HHIPL1: variants seen among roughly 807,000 people sequenced by gnomAD.
HHIPL1 encodes the protein HHIP-like protein 1.
Under a neutral mutation model 61.8 loss-of-function variants are expected in HHIPL1, and 43 were observed. The observed-to-expected ratio is 0.70, with a 90% CI of 0.55 to 0.90. HHIPL1 has a LOEUF of 0.90. HHIPL1 is among the 40% of genes least tolerant of loss of function. The probability of loss-of-function intolerance (pLI) is 0.00; values close to 1 mark genes in which losing one functional copy is unlikely to be tolerated. For missense variants in HHIPL1, 1,056 were observed against 1,157.7 expected (o/e 0.91, Z 1.28); for synonymous variants, 482 against 515.8 (o/e 0.93, Z 0.89).
chr14:99,667,914 G>C (rs1386079552), intron 6 of HHIPL1, among the ~76,000 whole-genome samples: 2 of 152,210 alleles, frequency 1.3e-5, no homozygotes, highest in Non-Finnish European at 2.9e-5. Context: ...CCAGGTAGGT[G>C]ACAGGGGTGG....
At chr14:99,665,623 T>C (rs2056231328) in intron 6 of HHIPL1, among the ~76,000 whole-genome samples, 1 of 152,172 alleles carries the variant, frequency 6.6e-6, no homozygotes, top group East Asian at 1.9e-4. Context: ...TTTGTAGAGA[T>C]GGGGTCTTAC....
the HHIPL1 span, among the ~76,000 whole-genome samples, chr14:99,630,546 G>A: frequency 2.1e-4 from 32 of 152,314 alleles, no homozygotes; most frequent in African/African-American, 6.7e-4. Context: ...CCCAGGAAGC[G>A]GCTAGGAGGA....
In HHIPL1 at chr14:99,675,703, C is replaced by A; in HGVS notation, c.*77C>A. 7.4e-7 allele frequency: 1 copy of A among 1,342,392 alleles called. No homozygotes were observed. The highest frequency in any genetic ancestry group is 9.9e-7 in the Non-Finnish European group (1 of 1,013,660). 83.2% of individuals were successfully genotyped at this position (1,342,392 alleles called of 1,614,324 possible). The stretch of plus-strand genomic sequence containing the variant: ...GCCGCTCCGCCCTGTGTGCGCCCAG[C>A]GGGTGCACACGTGTTCTAGAGTGAA... On this transcript the variant is annotated 3_prime_UTR_variant, in exon 9 of 9. Transcript: ENST00000330710. The surrounding 1 kb of genome is among the most constrained non-coding windows in gnomAD (Gnocchi z 5.4).
At chr14:99,637,034 AGAAAGAAAGAAAGAAGGAAG>A in the HHIPL1 span, among the ~76,000 whole-genome samples, 310 of 123,310 alleles carry the variant, frequency 2.5e-3, 8 homozygotes, top group East Asian at 0.015. Context: ...AAAGAAAGAA[AGAAAGAAAGAAAGAAGGAAG>A]GAAGGAAAAA....
At chr14:99,638,291 G>A in the HHIPL1 span, among the ~76,000 whole-genome samples, 1 of 152,214 alleles carries the variant, frequency 6.6e-6, no homozygotes, top group Admixed American at 6.5e-5. Context: ...GCCCTGCGGA[G>A]AACAGATTCA....
Position 99,662,861 on chromosome 14 carries a change from C to T in HHIPL1, c.1503-15C>T. The T allele has an allele frequency of 1.3e-6, 2 of 1,573,660 alleles. No individual in the cohort carries two copies. The highest frequency in any genetic ancestry group is 2.3e-5 in the East Asian group (1 of 44,014). On this transcript the variant is annotated splice_polypyrimidine_tract_variant and intron_variant, in intron 5 of 8. Coordinates refer to ENST00000330710, the MANE Select transcript of HHIPL1 (RefSeq NM_001127258.3). Reference sequence around the variant, plus strand: ...CCATGCCAGGCATGGCCTCACAGCTCATCTTCCTTTGCAGGCGTCTGATGT... The same window carrying T: ...CCATGCCAGGCATGGCCTCACAGCTTATCTTCCTTTGCAGGCGTCTGATGT...
rs1333816943 is a variant in HHIPL1 at position 99,668,851 on chromosome 14, A to G, written c.1730+548A>G. The G allele has an allele frequency of 1.2e-6, 2 of 1,613,986 alleles. No homozygotes were observed. The highest frequency in any genetic ancestry group is 1.1e-5 in the South Asian group (1 of 91,080). ...TTCTAGCTGTAAGGCCAGAAGCGCCATGCCCGGCTATGTCCCAGCTCCTTC... is the reference window on the plus strand; with the variant it reads ...TTCTAGCTGTAAGGCCAGAAGCGCCGTGCCCGGCTATGTCCCAGCTCCTTC... On this transcript the variant is annotated intron_variant, in intron 7 of 8. Coordinates refer to ENST00000330710, the MANE Select transcript of HHIPL1 (RefSeq NM_001127258.3). This position sits in a 1 kb window ranked among gnomAD's most constrained non-coding sequence, Gnocchi z 4.7.
chr14:99,661,421 A>AAGGAAGGAAGGAAG (rs2056151167), intron 5 of HHIPL1, among the ~76,000 whole-genome samples: 1 of 143,406 alleles, frequency 7.0e-6, no homozygotes. Context: ...GAGAGAGAAA[A>AAGGAAGGAAGGAAG]GAAGGAAGGA....
chr14:99,632,936 G>C, the HHIPL1 span, among the ~76,000 whole-genome samples: 5 of 151,848 alleles, frequency 3.3e-5, no homozygotes, highest in African/African-American at 1.2e-4. Context: ...TATGGATGGG[G>C]GAGTGAGGAG....
At chr14:99,633,827 G>A in the HHIPL1 span, among the ~76,000 whole-genome samples, 59,570 of 152,002 alleles carry the variant, frequency 0.39, 11,814 homozygotes, top group East Asian at 0.47. Context: ...TAGGATTGTC[G>A]CCTGGAATTT....
the HHIPL1 span, among the ~76,000 whole-genome samples, chr14:99,628,638 G>T: frequency 6.6e-6 from 1 of 151,992 alleles, no homozygotes; most frequent in Non-Finnish European, 1.5e-5. Context: ...ACAAAGTTTG[G>T]TAAGCATGTA....
chr14:99,642,808 G>A (rs2055770278), upstream of HHIPL1, among the ~76,000 whole-genome samples: 1 of 152,154 alleles, frequency 6.6e-6, no homozygotes, highest in African/African-American at 2.4e-5. Context: ...ACAGGCATGA[G>A]CCACTGTGCC....
At chr14:99,650,288 G>A (rs977920498) in intron 1 of HHIPL1, among the ~76,000 whole-genome samples, 3 of 152,216 alleles carry the variant, frequency 2.0e-5, no homozygotes, top group African/African-American at 7.2e-5. Flanking sequence ...TCCTCCCTGT[G>A]AGGGGAGGGA....
intron 2 of HHIPL1, among the ~76,000 whole-genome samples, chr14:99,655,948 G>A (rs997823946): frequency 6.6e-6 from 1 of 152,202 alleles, no homozygotes; most frequent in Non-Finnish European, 1.5e-5. Flanking sequence ...ACCACTTCCG[G>A]AGGCAGGGCT....
chr14:99,628,263 C>G, the HHIPL1 span, among the ~76,000 whole-genome samples: 1 of 152,256 alleles, frequency 6.6e-6, no homozygotes, highest in African/African-American at 2.4e-5. Context: ...GCAGTCTCTT[C>G]CTTTCTGTCC....
chr14:99,637,254 AAG>A, the HHIPL1 span, among the ~76,000 whole-genome samples: 1 of 147,744 alleles, frequency 6.8e-6, no homozygotes, highest in Non-Finnish European at 1.5e-5. Flanking sequence ...GAAAGAAAGA[AAG>A]AAAGAAAGAA....
Position 99,660,481 on chromosome 14 carries a change from G to C in HHIPL1, c.1502+75G>C, listed in dbSNP as rs1293418926. 2.0e-6 allele frequency: 3 copies of C among 1,527,030 alleles called. No homozygotes were observed. The highest frequency in any genetic ancestry group is 2.7e-6 in the Non-Finnish European group (3 of 1,121,578). 94.6% of individuals were successfully genotyped at this position (1,527,030 alleles called of 1,614,324 possible). Reference sequence around the variant, plus strand: ...GGGACTGGCTCCTTGGTAAAGGGGAGTGTATGTGTGCGCCCGTTCCTGCAC... The same window carrying C: ...GGGACTGGCTCCTTGGTAAAGGGGACTGTATGTGTGCGCCCGTTCCTGCAC... On this transcript the variant is annotated intron_variant, in intron 5 of 8. Transcript: ENST00000330710. The surrounding 1 kb of genome is among the most constrained non-coding windows in gnomAD (Gnocchi z 4.9).
At position 99,668,598 on chromosome 14, in the gene HHIPL1, G is replaced by A. The variant is rs375707193; in HGVS notation, c.1730+295G>A. ...TTCACTTGGCTTTCTTGCCTGGCCCGCCCTCCCTGCGTCTTCCTCCTGTCT... is the reference window on the plus strand; with the variant it reads ...TTCACTTGGCTTTCTTGCCTGGCCCACCCTCCCTGCGTCTTCCTCCTGTCT... On this transcript the variant is annotated intron_variant, in intron 7 of 8. Coordinates refer to ENST00000330710, the MANE Select transcript of HHIPL1 (RefSeq NM_001127258.3). The surrounding 1 kb of genome is among the most constrained non-coding windows in gnomAD (Gnocchi z 4.7). Among the ~76,000 whole-genome samples the A allele has an allele frequency of 1.6e-3, 249 of 152,186 alleles. 6 individuals carry two copies. The Middle Eastern group carries it at 0.024, about 15-fold the overall frequency.
At chr14:99,632,394 TG>T in the HHIPL1 span, among the ~76,000 whole-genome samples, 2 of 152,184 alleles carry the variant, frequency 1.3e-5, no homozygotes, top group Non-Finnish European at 2.9e-5. Context: ...ACTGAAACCC[TG>T]TTTCTGTGGG....
Sources: gnomAD v4.1 joint callset for allele counts (sites outside exome capture counted in the v4.1 genomes callset) on GRCh38, gnomAD v4.1.1 for gene constraint, Gnocchi (gnomAD v3.1) non-coding constraint, MANE v1.5 for transcripts, NCBI Gene and HGNC (gene_info 2026-07-23, HGNC 2026-07-21) for gene names.